CNTNAP2: variants seen among roughly 807,000 people sequenced by gnomAD.
CNTNAP2 encodes contactin associated protein 2.
In CNTNAP2, 98 loss-of-function variants were observed where a neutral mutation model predicts 155.2. The ratio of observed to expected loss-of-function variants is 0.63; its 90% confidence interval spans 0.54 to 0.75. The LOEUF is 0.75. Ranked by LOEUF, CNTNAP2 falls within the 30% of genes least tolerant of loss-of-function variation. The pLI is 0.00. For synonymous variants in CNTNAP2, 651 were observed against 631.2 expected, an observed-to-expected ratio of 1.03 and a Z score of -0.47; for missense variants, 1,727 against 1,688.1, an observed-to-expected ratio of 1.02 and a Z score of -0.40.
chr7:148,021,681 G>T (rs1802281392), intron 15 of CNTNAP2, among the ~76,000 whole-genome samples: 1 of 152,216 alleles, frequency 6.6e-6, no homozygotes. Context: ...GCTCTCAGAG[G>T]ACTTGGAACA....
intron 3 of CNTNAP2, among the ~76,000 whole-genome samples, chr7:146,870,436 G>C (rs1795283493): frequency 6.6e-6 from 1 of 151,932 alleles, no homozygotes; most frequent in African/African-American, 2.4e-5. Flanking sequence ...CATTCCCTTT[G>C]TCATTTCTCA....
chr7:147,298,152 G>T lies in CNTNAP2; in HGVS notation c.1349-1989G>T, dbSNP rs370228478. On this transcript the variant is annotated intron_variant, in intron 8 of 23. Transcript: ENST00000361727. Reference sequence around the variant, plus strand: ...TGAAACAAAATGTGCTCAGTGGCCAGGCGCAGTGGCTCAGGCCTGTAATCC... The same window carrying T: ...TGAAACAAAATGTGCTCAGTGGCCATGCGCAGTGGCTCAGGCCTGTAATCC... Among the ~76,000 whole-genome samples the T allele has an allele frequency of 2.8e-4, 42 of 152,264 alleles. No individual in the cohort carries two copies. The South Asian group carries it at 8.1e-3, about 29-fold the overall frequency.
chr7:147,100,932 A>G (rs1019610357), intron 4 of CNTNAP2, among the ~76,000 whole-genome samples: 6 of 152,212 alleles, frequency 3.9e-5, no homozygotes, highest in African/African-American at 4.8e-5. Flanking sequence ...TGATAAAAGT[A>G]TGCAAGGAAC....
At chr7:146,812,360 G>A (rs1182377452) in intron 2 of CNTNAP2, among the ~76,000 whole-genome samples, 1 of 151,516 alleles carries the variant, frequency 6.6e-6, no homozygotes, top group Non-Finnish European at 1.5e-5. Context: ...CCCTGCCCTA[G>A]AGATTTCTGG....
At chr7:148,368,103 T>C (rs1367425361) in intron 21 of CNTNAP2, among the ~76,000 whole-genome samples, 1 of 152,214 alleles carries the variant, frequency 6.6e-6, no homozygotes, top group Non-Finnish European at 1.5e-5. Context: ...TCACTCCCTT[T>C]AGGTGTCTAA....
At chr7:146,500,605 C>A (rs1797286678) in intron 1 of CNTNAP2, among the ~76,000 whole-genome samples, 1 of 152,238 alleles carries the variant, frequency 6.6e-6, no homozygotes, top group East Asian at 1.9e-4. Context: ...AGCTTTAAGA[C>A]CAACAGGGTC....
chr7:147,523,363 T>C (rs561830401), intron 11 of CNTNAP2, among the ~76,000 whole-genome samples: 15 of 152,262 alleles, frequency 9.9e-5, no homozygotes, highest in Non-Finnish European at 1.6e-4. Context: ...AGTCTTGTAA[T>C]AGTCTAATCA....
intron 8 of CNTNAP2, among the ~76,000 whole-genome samples, chr7:147,180,532 C>T (rs1802434191): frequency 6.6e-6 from 1 of 151,984 alleles, no homozygotes; most frequent in Non-Finnish European, 1.5e-5. Flanking sequence ...AACAAGCCAT[C>T]ACTTAAGTAG....
intron 1 of CNTNAP2, among the ~76,000 whole-genome samples, chr7:146,464,165 T>C (rs1278827130): frequency 6.7e-6 from 1 of 148,592 alleles, no homozygotes; most frequent in Non-Finnish European, 1.5e-5. Context: ...TTTATTTTGC[T>C]CAATGTCTTT....
At chr7:147,797,764 A>C (rs1797922650) in intron 13 of CNTNAP2, among the ~76,000 whole-genome samples, 1 of 152,308 alleles carries the variant, frequency 6.6e-6, no homozygotes, top group Middle Eastern at 3.4e-3. Flanking sequence ...CTAAAGGTGA[A>C]GAGATACATA....
chr7:147,597,046 C>G (rs1362352294), intron 12 of CNTNAP2, among the ~76,000 whole-genome samples: 3 of 152,206 alleles, frequency 2.0e-5, no homozygotes, highest in Admixed American at 6.5e-5. Flanking sequence ...ATAGTCTACC[C>G]CTTGTTTAGC....
intron 11 of CNTNAP2, among the ~76,000 whole-genome samples, chr7:147,512,133 C>T (rs1377919444): frequency 6.6e-6 from 1 of 152,078 alleles, no homozygotes; most frequent in Non-Finnish European, 1.5e-5. Context: ...CCACCTAATG[C>T]ACTTTATATC....
chr7:147,635,272 CTT>C (rs1016730291), intron 12 of CNTNAP2, among the ~76,000 whole-genome samples: 55 of 145,202 alleles, frequency 3.8e-4, no homozygotes, highest in African/African-American at 1.3e-3. Flanking sequence ...AGCTCCAAAA[CTT>C]TTTTTTTTTA....
intron 8 of CNTNAP2, among the ~76,000 whole-genome samples, chr7:147,243,635 G>C (rs144756892): frequency 1.3e-5 from 2 of 152,154 alleles, no homozygotes; most frequent in East Asian, 1.9e-4. Context: ...TTTTTCATCA[G>C]TGTCCTGGTC....
intron 18 of CNTNAP2, among the ~76,000 whole-genome samples, chr7:148,195,138 T>C (rs574226366): frequency 6.6e-6 from 1 of 152,328 alleles, no homozygotes; most frequent in East Asian, 1.9e-4. Context: ...TTCCTTTCTC[T>C]TTCTTGTATT....
At chr7:147,219,208 A>G (rs1803341476) in intron 8 of CNTNAP2, among the ~76,000 whole-genome samples, 1 of 152,168 alleles carries the variant, frequency 6.6e-6, no homozygotes, top group Non-Finnish European at 1.5e-5. Flanking sequence ...AAGGGACAGA[A>G]CTAATAGGCT....
At chr7:147,536,160 TG>T in intron 11 of CNTNAP2, among the ~76,000 whole-genome samples, 1 of 152,222 alleles carries the variant, frequency 6.6e-6, no homozygotes, top group African/African-American at 2.4e-5. Flanking sequence ...AAATTTAACA[TG>T]TTTCTTTTCC....
At chr7:146,847,610 T>C (rs1174482967) in intron 3 of CNTNAP2, among the ~76,000 whole-genome samples, 1 of 152,222 alleles carries the variant, frequency 6.6e-6, no homozygotes. Context: ...ATATTGGCTC[T>C]TTTCTTGAAA....
intron 1 of CNTNAP2, among the ~76,000 whole-genome samples, chr7:146,567,616 G>A (rs1563138090): frequency 6.6e-6 from 1 of 152,100 alleles, no homozygotes; most frequent in Non-Finnish European, 1.5e-5. Flanking sequence ...GTAGTGTCAA[G>A]CACATATCAG....
Sources: gnomAD v4.1 joint callset for allele counts (sites outside exome capture counted in the v4.1 genomes callset) on GRCh38, gnomAD v4.1.1 for gene constraint, MANE v1.5 for transcripts, NCBI Gene and HGNC (gene_info 2026-07-23, HGNC 2026-07-21) for gene names.